The following PTPN13 variants were observed in gnomAD, a reference collection of about 807,000 sequenced individuals.
PTPN13 encodes the protein tyrosine-protein phosphatase non-receptor type 13.
In PTPN13, 191 loss-of-function variants were observed where a neutral mutation model predicts 284.0. The observed-to-expected ratio is 0.67, with a 90% CI of 0.60 to 0.76. The LOEUF (loss-of-function observed/expected upper bound fraction) is 0.76. PTPN13 is among the 30% of genes least tolerant of loss of function. PTPN13 has a pLI of 0.00. For synonymous variants in PTPN13, 986 were observed against 1,022.3 expected (o/e 0.96, Z 0.68); for missense variants, 2,797 against 2,939.9 (o/e 0.95, Z 1.12).
At chr4:86,625,443 A>G (rs918127400) in intron 1 of PTPN13, among the ~76,000 whole-genome samples, 1 of 152,084 alleles carries the variant, frequency 6.6e-6, no homozygotes, top group African/African-American at 2.4e-5. Context: ...GTCTAATTAA[A>G]TACCCTTTTT....
intron 1 of PTPN13, among the ~76,000 whole-genome samples, chr4:86,610,129 G>A (rs765053804): frequency 4.0e-4 from 61 of 152,052 alleles, no homozygotes; most frequent in Non-Finnish European, 6.8e-4. Flanking sequence ...CAGGAGAATC[G>A]CTTGAACCCA....
chr4:86,627,921 T>C (rs1722022569), intron 1 of PTPN13, among the ~76,000 whole-genome samples: 2 of 152,200 alleles, frequency 1.3e-5, no homozygotes, highest in South Asian at 2.1e-4. Flanking sequence ...TAGTATTCCA[T>C]TGTGAGGATA....
At chr4:86,678,704 A>G (rs1728562530) in intron 3 of PTPN13, among the ~76,000 whole-genome samples, 1 of 152,192 alleles carries the variant, frequency 6.6e-6, no homozygotes, top group Admixed American at 6.5e-5. Context: ...ATTTCCAAGG[A>G]AAAATCTAAG....
At chr4:86,651,145 T>C (rs1257680114) in intron 2 of PTPN13, among the ~76,000 whole-genome samples, 2 of 152,200 alleles carry the variant, frequency 1.3e-5, no homozygotes, top group Non-Finnish European at 2.9e-5. Flanking sequence ...TTTTATTGAA[T>C]GCTTTTCCAG....
At chr4:86,615,787 A>T (rs1296533960) in intron 1 of PTPN13, among the ~76,000 whole-genome samples, 1 of 152,212 alleles carries the variant, frequency 6.6e-6, no homozygotes, top group South Asian at 2.1e-4. Context: ...TAGGAATACC[A>T]TAAAAAGACT....
At chr4:86,698,142 T>C (rs1289291723) in intron 6 of PTPN13, among the ~76,000 whole-genome samples, 1 of 152,184 alleles carries the variant, frequency 6.6e-6, no homozygotes, top group East Asian at 1.9e-4. Flanking sequence ...GGAATTAGAA[T>C]ACATGAAATA....
intron 9 of PTPN13, among the ~76,000 whole-genome samples, chr4:86,718,791 T>G (rs756880441): frequency 3.3e-5 from 5 of 152,204 alleles, no homozygotes. Flanking sequence ...TTTTGTTTTT[T>G]GTACTTTTTA....
At chr4:86,604,924 T>A (rs2149170173) in intron 1 of PTPN13, among the ~76,000 whole-genome samples, 1 of 152,098 alleles carries the variant, frequency 6.6e-6, no homozygotes, top group South Asian at 2.1e-4. Flanking sequence ...AAATAATGAT[T>A]AACTGCAATG....
In PTPN13 at chr4:86,784,325, T is replaced by C. The variant is rs78627259; in HGVS notation, c.6025-140T>C. The C allele has an allele frequency of 1.8e-3, 1,042 of 571,640 alleles. 13 individuals are homozygous for C. Among genetic ancestry groups the C allele is most frequent in the African/African-American group, 0.018 (926 of 51,426 alleles). 35.4% of individuals were successfully genotyped at this position (571,640 alleles called of 1,614,324 possible). ...CACATTTAATTGCACTGATATTTCC[T>C]TTCAAACACTGATCTAAGGTGGAGA... On this transcript the variant is annotated intron_variant, in intron 37 of 47. Transcript: ENST00000411767.
At chr4:86,676,666 G>A (rs551131092) in intron 3 of PTPN13, among the ~76,000 whole-genome samples, 8 of 152,256 alleles carry the variant, frequency 5.3e-5, no homozygotes, top group Admixed American at 5.2e-4. Flanking sequence ...TACATACAAT[G>A]AATATCATAC....
Position 86,751,094 on chromosome 4 carries a change from A to G in PTPN13, c.3136A>G (p.Ile1046Val). The G allele has an allele frequency of 6.2e-7, 1 of 1,605,786 alleles. No homozygotes were observed. Among genetic ancestry groups the G allele is most frequent in the Non-Finnish European group, 8.5e-7 (1 of 1,172,780 alleles). ...GAAACATGAATCAGACTCCTCATCC[A>G]TTGAAGACCCTGGGCAAGCATATGT... is the stretch of plus-strand genomic sequence containing the variant. Reference protein sequence around the residue: ...RRKHESDSSSIEDPGQAYVLG... With the variant: ...RRKHESDSSSVEDPGQAYVLG... Residue 1046 changes from isoleucine (I) to valine (V), a missense_variant, in exon 19 of 48, where the codon ATT becomes GTT. By Grantham distance (29) the Ile-to-Val change is conservative (BLOSUM62 3). Transcript: ENST00000411767.
rs191376816 is a variant in PTPN13, at chr4:86,707,729, T to C, written c.1195+5928T>C. Reference sequence around the variant, plus strand: ...CAAGAAAAAAATGATTGAGTTATTATTTAAGTTACTCCGTGAGCTAAAATA... The same window carrying C: ...CAAGAAAAAAATGATTGAGTTATTACTTAAGTTACTCCGTGAGCTAAAATA... On this transcript the variant is annotated intron_variant, in intron 7 of 47. Coordinates refer to ENST00000411767, the MANE Select transcript of PTPN13 (RefSeq NM_080683.3). Among the ~76,000 whole-genome samples, 6 of 152,272 alleles carry C rather than the reference T, an allele frequency of 3.9e-5. No individual in the cohort carries two copies. In the East Asian group the frequency reaches 1.2e-3, roughly 29 times the overall value.
intron 6 of PTPN13, among the ~76,000 whole-genome samples, chr4:86,695,605 G>T (rs1730515210): frequency 6.6e-6 from 1 of 151,894 alleles, no homozygotes; most frequent in African/African-American, 2.4e-5. Context: ...AGATTTAAAA[G>T]ACATTTTTGT....
intron 2 of PTPN13, among the ~76,000 whole-genome samples, chr4:86,654,785 C>A (rs1207715943): frequency 6.6e-6 from 1 of 152,138 alleles, no homozygotes; most frequent in African/African-American, 2.4e-5. Flanking sequence ...AATTCAATTC[C>A]TGGATATCCT....
intron 40 of PTPN13, among the ~76,000 whole-genome samples, chr4:86,789,062 T>C (rs191142996): frequency 5.3e-5 from 8 of 152,302 alleles, no homozygotes; most frequent in Non-Finnish European, 8.8e-5. Flanking sequence ...AATGAAGGCA[T>C]AGATGAGCCT....
Position 86,722,325 on chromosome 4 carries a change from G to T in PTPN13, c.1499G>T (p.Arg500Leu), listed in dbSNP as rs61757789. 1.2e-6 allele frequency: 2 copies of T among 1,613,572 alleles called. No homozygotes were observed. The highest frequency in any genetic ancestry group is 1.7e-5 in the Admixed American group (1 of 59,964). The change falls in exon 10 of 48, where the codon CGG becomes CTG. Residue 500 changes from arginine (R) to leucine (L), a missense_variant. Physicochemically the swap from Arg to Leu is moderately radical, Grantham distance 102. Transcript: ENST00000411767. ...GCCAAAATGGCCCTTAGACAGTCTC[G>T]GTTGAGCCTATATCCAGGAGACACA... ...LQAKMALRQS[R>L]LSLYPGDTIK...
chr4:86,700,854 A>T (rs1731080637), intron 6 of PTPN13, among the ~76,000 whole-genome samples: 1 of 152,190 alleles, frequency 6.6e-6, no homozygotes, highest in Non-Finnish European at 1.5e-5. Flanking sequence ...TTTGAGTTAT[A>T]CCTTTAGAAG....
rs528363021 is a variant in PTPN13, at chr4:86,597,180, T to C, written c.-6+2391T>C. ...GGCTGGGCTTCCTTTTTTTTTTTTT[T>C]CCCTGAAAAACTCTCTTTTAATTTG... is the stretch of plus-strand genomic sequence containing the variant. On this transcript the variant is annotated intron_variant, in intron 1 of 47. Coordinates refer to ENST00000411767, the MANE Select transcript of PTPN13 (RefSeq NM_080683.3). 9.8e-4 allele frequency among the ~76,000 whole-genome samples: 149 copies of C among 151,504 alleles called. No individual in the cohort carries two copies. The East Asian group carries it at 0.012, about 13-fold the overall frequency.
intron 2 of PTPN13, among the ~76,000 whole-genome samples, chr4:86,650,030 G>A (rs138243738): frequency 1.5e-3 from 226 of 152,138 alleles, no homozygotes; most frequent in African/African-American, 5.1e-3. Flanking sequence ...CTCTCACCCC[G>A]GCTGGAGTCC....
Sources: allele counts gnomAD v4.1 joint callset (sites outside exome capture counted in the v4.1 genomes callset), GRCh38; gene constraint gnomAD v4.1.1; transcripts MANE v1.5; gene names NCBI Gene and HGNC (gene_info 2026-07-23, HGNC 2026-07-21).